The following UHRF2 variants were observed in gnomAD, a reference collection of about 807,000 sequenced individuals.
The protein encoded by UHRF2 is E3 ubiquitin-protein ligase UHRF2.
A neutral mutation model predicts 96.8 loss-of-function variants in UHRF2; 23 were observed. The ratio of observed to expected loss-of-function variants is 0.24; its 90% CI spans 0.17 to 0.34. The LOEUF (loss-of-function observed/expected upper bound fraction) is 0.34, where lower values mean the gene tolerates loss of function less well. Among genes scored for constraint, UHRF2 ranks in the 10% least tolerant of loss-of-function variants. The pLI is 1.00. For synonymous variants in UHRF2, 385 were observed against 332.6 expected (o/e 1.16, Z -1.72); for missense variants, 685 against 981.5 (o/e 0.70, Z 4.04).
At chr9:6,493,060 G>A (rs530274679) in intron 9 of UHRF2, among the ~76,000 whole-genome samples, 4 of 152,248 alleles carry the variant, frequency 2.6e-5, no homozygotes, top group African/African-American at 9.6e-5. Flanking sequence ...CACTTTGGGA[G>A]GCCAAGGCGG....
At chr9:6,435,628 A>G (rs1820798750) in intron 3 of UHRF2, among the ~76,000 whole-genome samples, 1 of 151,998 alleles carries the variant, frequency 6.6e-6, no homozygotes, top group Admixed American at 6.6e-5. Context: ...TTATTTAGAG[A>G]CAGAGTCTTG....
intron 5 of UHRF2, among the ~76,000 whole-genome samples, chr9:6,477,301 G>A (rs1823639134): frequency 6.6e-6 from 1 of 151,746 alleles, no homozygotes; most frequent in Non-Finnish European, 1.5e-5. Context: ...GAGGCGGGCA[G>A]ATCACCTGAG....
At chr9:6,473,729 T>A (rs1277827190) in intron 4 of UHRF2, among the ~76,000 whole-genome samples, 2 of 152,180 alleles carry the variant, frequency 1.3e-5, no homozygotes, top group Admixed American at 6.5e-5. Context: ...CACAACTACT[T>A]AACTCCCCTG....
intron 14 of UHRF2, among the ~76,000 whole-genome samples, chr9:6,501,214 T>G (rs1816273347): frequency 6.6e-6 from 1 of 152,194 alleles, no homozygotes; most frequent in Non-Finnish European, 1.5e-5. Context: ...TCACAGTTAA[T>G]TAATGTGTGG....
At chr9:6,430,307 G>A (rs200844346) in intron 2 of UHRF2, among the ~76,000 whole-genome samples, 7 of 152,170 alleles carry the variant, frequency 4.6e-5, no homozygotes, top group African/African-American at 7.2e-5. Context: ...CCTGTGCCTG[G>A]CCCTTAATGT....
chr9:6,479,646 C>G (rs758219497), intron 6 of UHRF2, among the ~76,000 whole-genome samples: 1 of 152,160 alleles, frequency 6.6e-6, no homozygotes, highest in African/African-American at 2.4e-5. Flanking sequence ...GGTTAGTTGA[C>G]TGGGACCACA....
At chr9:6,500,513 A>C in intron 13 of UHRF2, 39 bp from the exon 14 acceptor site, 1 of 1,579,980 alleles carries the variant, frequency 6.3e-7, no homozygotes, top group Non-Finnish European at 8.6e-7. Context: ...GCTTAGAACC[A>C]CTTGTAAGTC....
At chr9:6,439,100 A>G (rs1821012629) in intron 3 of UHRF2, among the ~76,000 whole-genome samples, 1 of 152,192 alleles carries the variant, frequency 6.6e-6, no homozygotes, top group South Asian at 2.1e-4. Context: ...ATGTTAAGAG[A>G]TTTGAAATGT....
At chr9:6,449,530 A>T (rs1255709689) in intron 3 of UHRF2, 2 of 152,214 alleles carry the variant, frequency 1.3e-5, no homozygotes, top group Non-Finnish European at 2.9e-5. Context: ...AACGGACAAA[A>T]TGGCTTAAAA....
intron 1 of UHRF2, among the ~76,000 whole-genome samples, chr9:6,420,127 G>C (rs1380990904): frequency 1.3e-5 from 2 of 151,134 alleles, no homozygotes; most frequent in Admixed American, 1.3e-4. Flanking sequence ...CGCAATTTCA[G>C]CTCACTGCAA....
intron 1 of UHRF2, among the ~76,000 whole-genome samples, chr9:6,417,688 C>G (rs1213579666): frequency 2.0e-5 from 3 of 152,168 alleles, no homozygotes; most frequent in Non-Finnish European, 4.4e-5. Context: ...TTTAAAAAGC[C>G]TGTCATAGCA....
chr9:6,464,944 G>A (rs1334877685), intron 4 of UHRF2, among the ~76,000 whole-genome samples: 1 of 152,118 alleles, frequency 6.6e-6, no homozygotes, highest in Non-Finnish European at 1.5e-5. Context: ...CTTGGACTCA[G>A]TAGCTTTACT....
At chr9:6,433,133 C>G (rs1053014619) in intron 2 of UHRF2, among the ~76,000 whole-genome samples, 4 of 152,170 alleles carry the variant, frequency 2.6e-5, no homozygotes, top group African/African-American at 9.7e-5. Context: ...CATGCCTGGC[C>G]TGATCTTTTA....
At chr9:6,415,890 C>T (rs1002075131) in intron 1 of UHRF2, among the ~76,000 whole-genome samples, 11 of 152,180 alleles carry the variant, frequency 7.2e-5, no homozygotes, top group African/African-American at 2.7e-4. Flanking sequence ...TCTTACTATT[C>T]AAAGTATGGT....
chr9:6,414,741 C>T (rs773751417), intron 1 of UHRF2, among the ~76,000 whole-genome samples: 8 of 152,234 alleles, frequency 5.3e-5, no homozygotes, highest in Non-Finnish European at 1.2e-4. Context: ...CTCCCCTTCA[C>T]AGGCTTAGTC....
chr9:6,434,062 T>C lies in UHRF2; in HGVS notation c.533T>C (p.Ile178Thr), dbSNP rs1292358015. The C allele has an allele frequency of 6.2e-7, 1 of 1,614,128 alleles. No individual in the cohort carries two copies. The highest frequency in any genetic ancestry group is 1.7e-4 in the Middle Eastern group (1 of 6,060). The change falls in exon 3 of 16, where the codon ATA becomes ACA. Residue 178 changes from isoleucine (I) to threonine (T), a missense_variant. Ile to Thr is a moderately conservative substitution (Grantham distance 89, BLOSUM62 -1). This residue lies in a region of UHRF2 where 391 missense variants were observed against 437.0 expected (regional missense o/e 0.89). Coordinates refer to ENST00000276893, the MANE Select transcript of UHRF2 (RefSeq NM_152896.3). Reference sequence around the variant, plus strand: ...TCTTGTAAAAGGACTAATGGAAATATAAAGCATAAATCCAAAGAGAACACA... The same window carrying C: ...TCTTGTAAAAGGACTAATGGAAATACAAAGCATAAATCCAAAGAGAACACA... ...GSSCKRTNGN[I>T]KHKSKENTNK...
chr9:6,432,355 TTG>T (rs772346590), intron 2 of UHRF2, among the ~76,000 whole-genome samples: 22 of 152,352 alleles, frequency 1.4e-4, no homozygotes, highest in Non-Finnish European at 2.5e-4. Flanking sequence ...CTCTGTCATT[TTG>T]TGGTTTGAAA....
chr9:6,439,058 G>T (rs1821009976), intron 3 of UHRF2, among the ~76,000 whole-genome samples: 1 of 152,116 alleles, frequency 6.6e-6, no homozygotes, highest in African/African-American at 2.4e-5. Context: ...AAAAATTACA[G>T]ATACAAACAC....
intron 1 of UHRF2, among the ~76,000 whole-genome samples, chr9:6,416,883 C>G (rs888265975): frequency 6.6e-6 from 1 of 152,158 alleles, no homozygotes; most frequent in African/African-American, 2.4e-5. Context: ...TCTCGTCATT[C>G]TTTCACTCCT....
Sources: gnomAD v4.1 joint callset for allele counts (sites outside exome capture counted in the v4.1 genomes callset) on GRCh38, gnomAD v4.1.1 for gene constraint, gnomAD v4.1.1 regional missense constraint, MANE v1.5 for transcripts, NCBI Gene and HGNC (gene_info 2026-07-23, HGNC 2026-07-21) for gene names.